The following NCKAP1 variants were observed in gnomAD, a reference collection of about 807,000 sequenced individuals.
The protein encoded by NCKAP1 is nck-associated protein 1.
In NCKAP1, 21 loss-of-function variants were observed where a neutral mutation model predicts 151.2. The ratio of observed to expected loss-of-function variants is 0.14; its 90% CI spans 0.10 to 0.20. The LOEUF (loss-of-function observed/expected upper bound fraction) is 0.20. Ranked by LOEUF, NCKAP1 falls within the 10% of genes least tolerant of loss-of-function variation. The pLI, the probability that NCKAP1 is intolerant of heterozygous loss-of-function variation, is 1.00. For missense variants in NCKAP1, 933 were observed against 1,352.1 expected, an observed-to-expected ratio of 0.69 and a Z score of 4.86; for synonymous variants, 484 against 451.8, an observed-to-expected ratio of 1.07 and a Z score of -0.90.
chr2:182,929,882 A>T (rs1340650540), intron 27 of NCKAP1, among the ~76,000 whole-genome samples: 1 of 152,026 alleles, frequency 6.6e-6, no homozygotes. Context: ...AAATCAAGAA[A>T]TATCTACAGG....
At chr2:182,987,537 A>T (rs893399527) in intron 9 of NCKAP1, among the ~76,000 whole-genome samples, 2 of 152,212 alleles carry the variant, frequency 1.3e-5, no homozygotes, top group African/African-American at 4.8e-5. Flanking sequence ...TAACAAAGAC[A>T]ACTGGTTTCA....
In NCKAP1 at chr2:182,953,244, C is replaced by A; in HGVS notation, c.2241G>T (p.Met747Ile). 1 of 1,613,264 alleles carries A rather than the reference C, an allele frequency of 6.2e-7. No individual in the cohort carries two copies. The highest frequency in any genetic ancestry group is 1.1e-5 in the South Asian group (1 of 91,032). ...SELLTSVRAYMTVLQSIENYV... is the reference protein window; with the variant it reads ...SELLTSVRAYITVLQSIENYV... ...AGTTTTCTATTGACTGGAGTACGGT[C>A]ATGTATGCTCTTACACTTGTTAGAA... is the stretch of plus-strand genomic sequence containing the variant. Residue 747 changes from methionine to isoleucine, a missense_variant, in exon 21 of 31, where the codon ATG becomes ATT. By Grantham distance (10) the Met-to-Ile change is conservative (BLOSUM62 1). This residue lies in a region of NCKAP1 where 326 missense variants were observed against 557.1 expected (regional missense o/e 0.59). Transcript: ENST00000361354.
rs942921556 is a variant in NCKAP1 at position 183,037,909 on chromosome 2, C to G, written c.108+83G>C. 78 of 1,094,750 alleles carry G rather than the reference C, an allele frequency of 7.1e-5. 1 individual carries two copies. The highest frequency in any genetic ancestry group is 9.4e-5 in the Non-Finnish European group (76 of 807,396). The allele number at this position is 1,094,750 out of a possible 1,614,324, so 67.8% of individuals were successfully genotyped here. On this transcript the variant is annotated intron_variant, in intron 1 of 30. Transcript: ENST00000361354. Reference sequence around the variant, plus strand: ...GATTTCTACACCCGGCGCCTCCTGCCGCCCCCACCCCACGGCCTCCCTTGC... The same window carrying G: ...GATTTCTACACCCGGCGCCTCCTGCGGCCCCCACCCCACGGCCTCCCTTGC...
intron 2 of NCKAP1, among the ~76,000 whole-genome samples, chr2:183,022,501 T>G (rs1698814530): frequency 6.6e-6 from 1 of 152,182 alleles, no homozygotes; most frequent in Non-Finnish European, 1.5e-5. Context: ...AAAACAATAT[T>G]TCTGGCTGCG....
intron 1 of NCKAP1, among the ~76,000 whole-genome samples, chr2:183,037,583 T>C (rs1699127959): frequency 6.6e-6 from 1 of 152,154 alleles, no homozygotes; most frequent in African/African-American, 2.4e-5. Context: ...TGCTGCCATC[T>C]CCGTAAGAAT....
intron 20 of NCKAP1, among the ~76,000 whole-genome samples, chr2:182,956,066 G>C (rs1697320717): frequency 6.6e-6 from 1 of 152,146 alleles, no homozygotes; most frequent in Admixed American, 6.5e-5. Flanking sequence ...TCTTGAGACA[G>C]AGTCTTGTTC....
chr2:182,987,680 TAA>T (rs983683840), intron 9 of NCKAP1, among the ~76,000 whole-genome samples: 8 of 152,192 alleles, frequency 5.3e-5, no homozygotes, highest in Non-Finnish European at 8.8e-5. Context: ...ATGATATTAA[TAA>T]AAGTTTCATG....
chr2:183,003,475 C>T, intron 2 of NCKAP1, 150 bp from the exon 3 acceptor site: 3 of 557,052 alleles, frequency 5.4e-6, no homozygotes, highest in East Asian at 6.3e-5. Flanking sequence ...CCAAAGTACT[C>T]GAGACAGCAA....
intron 1 of NCKAP1, among the ~76,000 whole-genome samples, chr2:183,028,716 T>C (rs187977430): frequency 6.6e-6 from 1 of 152,226 alleles, no homozygotes. Context: ...GCCTGGCACA[T>C]ATGTAGTTAA....
intron 24 of NCKAP1, among the ~76,000 whole-genome samples, chr2:182,941,086 G>T (rs1369107456): frequency 6.7e-6 from 1 of 150,158 alleles, no homozygotes; most frequent in African/African-American, 2.4e-5. Flanking sequence ...ACATAAACTT[G>T]TTCTCTGGCT....
In NCKAP1 at chr2:182,986,998, T is replaced by C. The variant is rs575019084; in HGVS notation, c.948-771A>G. 1.7e-4 allele frequency among the ~76,000 whole-genome samples: 26 copies of C among 152,266 alleles called. 1 individual carries two copies. Among genetic ancestry groups the C allele is most frequent in the African/African-American group, 6.3e-4 (26 of 41,556 alleles). On this transcript the variant is annotated intron_variant, in intron 9 of 30. Coordinates refer to ENST00000361354, the MANE Select transcript of NCKAP1 (RefSeq NM_013436.5). ...GGCTCACACCTGTAATCCCAGCACT[T>C]TGGGAGGCCAAGGTGGGTGGATCAC...
At chr2:182,956,396 C>T (rs182741102) in intron 20 of NCKAP1, 66 bp downstream of exon 20, 76 of 1,533,972 alleles carry the variant, frequency 5.0e-5, no homozygotes, top group Non-Finnish European at 6.6e-5. Context: ...TTATAAAACA[C>T]TGTATAATTA....
intron 2 of NCKAP1, among the ~76,000 whole-genome samples, chr2:183,022,421 G>C (rs888697736): frequency 1.6e-4 from 25 of 152,304 alleles, no homozygotes; most frequent in African/African-American, 5.8e-4. Context: ...GTGTTAAGAA[G>C]TGCAAGTTTT....
chr2:182,993,000 A>G (rs1008635415), intron 8 of NCKAP1, among the ~76,000 whole-genome samples: 1 of 152,212 alleles, frequency 6.6e-6, no homozygotes, highest in African/African-American at 2.4e-5. Context: ...AAGAAAAACT[A>G]GTCCTTCACC....
chr2:182,960,826 C>T (rs574276983), intron 18 of NCKAP1, among the ~76,000 whole-genome samples: 1 of 152,278 alleles, frequency 6.6e-6, no homozygotes, highest in African/African-American at 2.4e-5. Context: ...TTTTTACAAT[C>T]TACTCATCTG....
At chr2:182,932,691 T>C (rs1297206675) in intron 26 of NCKAP1, among the ~76,000 whole-genome samples, 2 of 152,024 alleles carry the variant, frequency 1.3e-5, no homozygotes, top group African/African-American at 2.4e-5. Flanking sequence ...TTAAGTTCTA[T>C]TGAAAGTTTG....
intron 2 of NCKAP1, among the ~76,000 whole-genome samples, chr2:183,014,415 T>G (rs1440773783): frequency 6.6e-6 from 1 of 152,092 alleles, no homozygotes; most frequent in Non-Finnish European, 1.5e-5. Flanking sequence ...AAAAGAAACA[T>G]GGCCATTTGT....
intron 15 of NCKAP1, among the ~76,000 whole-genome samples, chr2:182,972,242 A>G (rs546103587): frequency 6.6e-6 from 1 of 151,264 alleles, no homozygotes; most frequent in Non-Finnish European, 1.5e-5. Flanking sequence ...AAAAAAAAAA[A>G]AAACAAAACT....
intron 24 of NCKAP1, among the ~76,000 whole-genome samples, chr2:182,940,040 TTC>T (rs1031745366): frequency 6.6e-6 from 1 of 152,130 alleles, no homozygotes; most frequent in Non-Finnish European, 1.5e-5. Context: ...AACTTGCAAA[TTC>T]TGTTTGGAAT....
Sources: gnomAD v4.1 joint callset for allele counts (sites outside exome capture counted in the v4.1 genomes callset) on GRCh38, gnomAD v4.1.1 for gene constraint, gnomAD v4.1.1 regional missense constraint, MANE v1.5 for transcripts, NCBI Gene and HGNC (gene_info 2026-07-23, HGNC 2026-07-21) for gene names.